Variants in ADGRL3 observed in about 807,000 individuals in gnomAD.
The protein encoded by ADGRL3 is calcium-independent alpha-latrotoxin receptor 3.
Under a neutral mutation model 153.5 loss-of-function variants are expected in ADGRL3, and 62 were observed. The ratio of observed to expected loss-of-function variants is 0.40; its 90% confidence interval spans 0.33 to 0.50. The LOEUF (loss-of-function observed/expected upper bound fraction) is 0.50. Ranked by LOEUF, ADGRL3 falls within the 20% of genes least tolerant of loss-of-function variation. ADGRL3 has a pLI of 0.47. For synonymous variants in ADGRL3, 710 were observed against 672.5 expected (o/e 1.06, Z -0.86); for missense variants, 1,641 against 1,859.4 (o/e 0.88, Z 2.16).
chr4:61,238,875 A>AT (rs977743720), intron 1 of ADGRL3, among the ~76,000 whole-genome samples: 1 of 152,192 alleles, frequency 6.6e-6, no homozygotes, highest in African/African-American at 2.4e-5. Context: ...ATTAAAAAAA[A>AT]CTTATTTTAG....
chr4:61,536,800 G>T (rs994839551), intron 4 of ADGRL3, among the ~76,000 whole-genome samples: 1 of 151,980 alleles, frequency 6.6e-6, no homozygotes, highest in Non-Finnish European at 1.5e-5. Flanking sequence ...TAGGTCTCTT[G>T]TAGACAACAG....
In ADGRL3 at chr4:62,031,460, A is replaced by C; in HGVS notation, c.3441A>C (p.Ala1147=). ...TCTACAGGTCATGGGTTATAGGTGC[A>C]ATAGCTCTTCTCTGCCTATTAGGAT... ...RPFIKSWVIG[A]IALLCLLGLT... Residue 1147 remains alanine (A), a synonymous_variant, in exon 23 of 27, where the codon GCA becomes GCC. Transcript: ENST00000683033. 1 of 1,609,902 alleles carries C rather than the reference A, an allele frequency of 6.2e-7. No individual in the cohort carries two copies. Among genetic ancestry groups the C allele is most frequent in the Non-Finnish European group, 8.5e-7 (1 of 1,177,234 alleles).
At chr4:61,890,764 A>T (rs1182638126) in intron 9 of ADGRL3, among the ~76,000 whole-genome samples, 1 of 152,216 alleles carries the variant, frequency 6.6e-6, no homozygotes. Context: ...CCCACGTAGT[A>T]TGATGTCAAA....
chr4:61,968,001 G>A (rs978382745), intron 17 of ADGRL3, among the ~76,000 whole-genome samples: 1 of 152,172 alleles, frequency 6.6e-6, no homozygotes, highest in Admixed American at 6.5e-5. Context: ...AAGAGAGGAA[G>A]AGAAGGCCGA....
chr4:61,401,528 G>A (rs569242081), intron 2 of ADGRL3, among the ~76,000 whole-genome samples: 1 of 152,036 alleles, frequency 6.6e-6, no homozygotes, highest in African/African-American at 2.4e-5. Flanking sequence ...ATAAAAGCCT[G>A]CTCAAATATA....
Position 61,584,210 on chromosome 4 carries a change from G to A in ADGRL3, c.260-3017G>A, listed in dbSNP as rs550651053. 1.3e-4 allele frequency among the ~76,000 whole-genome samples: 20 copies of A among 151,884 alleles called. No homozygotes were observed. The South Asian group carries it at 2.1e-3, about 16-fold the overall frequency. On this transcript the variant is annotated intron_variant, in intron 4 of 26. Transcript: ENST00000683033. The stretch of plus-strand genomic sequence containing the variant: ...CATACATTCCCATTAACAAATTCCC[G>A]TAAACAAAGTATCCATCATTTATGG...
intron 6 of ADGRL3, among the ~76,000 whole-genome samples, chr4:61,702,251 T>G (rs556861156): frequency 3.3e-5 from 5 of 152,196 alleles, no homozygotes. Flanking sequence ...TTAATGATAT[T>G]GCTCTCAAAA....
intron 1 of ADGRL3, among the ~76,000 whole-genome samples, chr4:61,357,005 G>A (rs980109289): frequency 6.6e-6 from 1 of 151,374 alleles, no homozygotes; most frequent in African/African-American, 2.4e-5. Flanking sequence ...GTAAAATATT[G>A]GTCAAATTGT....
intron 21 of ADGRL3, among the ~76,000 whole-genome samples, chr4:62,002,562 AT>A (rs1194224408): frequency 1.3e-5 from 2 of 151,982 alleles, no homozygotes; most frequent in East Asian, 3.9e-4. Flanking sequence ...TCTAGAAAAA[AT>A]AATAAAAAAT....
intron 8 of ADGRL3, among the ~76,000 whole-genome samples, chr4:61,761,353 C>G (rs562685301): frequency 3.3e-5 from 5 of 152,196 alleles, no homozygotes; most frequent in Non-Finnish European, 5.9e-5. Flanking sequence ...CAGCCTATGC[C>G]CAGGAAGGAA....
chr4:61,292,974 A>G, intron 1 of ADGRL3, among the ~76,000 whole-genome samples: 1 of 152,106 alleles, frequency 6.6e-6, no homozygotes, highest in East Asian at 1.9e-4. Context: ...AAGGAACATA[A>G]AAAGGGATTT....
rs80097901 is a variant in ADGRL3 at position 61,662,053 on chromosome 4, A to C, written c.474-14773A>C. Among the ~76,000 whole-genome samples the C allele has an allele frequency of 2.9e-3, 444 of 152,350 alleles. 4 individuals carry two copies. The highest frequency in any genetic ancestry group is 0.01 in the African/African-American group (422 of 41,598). On this transcript the variant is annotated intron_variant, in intron 5 of 26. Coordinates refer to ENST00000683033, the MANE Select transcript of ADGRL3 (RefSeq NM_001387552.1). Reference sequence around the variant, plus strand: ...CCAATCTGGAGTGGCCACTGCCATAATGCCAGCTACAGTCGGGGAGGCAAG... The same window carrying C: ...CCAATCTGGAGTGGCCACTGCCATACTGCCAGCTACAGTCGGGGAGGCAAG...
intron 5 of ADGRL3, among the ~76,000 whole-genome samples, chr4:61,617,204 T>C (rs1428394866): frequency 6.6e-6 from 1 of 152,176 alleles, no homozygotes; most frequent in Non-Finnish European, 1.5e-5. Context: ...ATTTTCCCCA[T>C]ATTTTAAATG....
At chr4:61,464,710 G>C (rs1002140659) in intron 2 of ADGRL3, among the ~76,000 whole-genome samples, 1 of 152,140 alleles carries the variant, frequency 6.6e-6, no homozygotes, top group African/African-American at 2.4e-5. Flanking sequence ...TGATATGGAA[G>C]ATATTCTTCA....
At chr4:61,270,285 T>C (rs2093092030) in intron 1 of ADGRL3, among the ~76,000 whole-genome samples, 1 of 151,716 alleles carries the variant, frequency 6.6e-6, no homozygotes, top group Admixed American at 6.6e-5. Context: ...GGACCATGTT[T>C]TCTAGGTTTT....
intron 1 of ADGRL3, among the ~76,000 whole-genome samples, chr4:61,357,710 T>C (rs1205527679): frequency 1.3e-5 from 2 of 152,114 alleles, no homozygotes; most frequent in African/African-American, 2.4e-5. Flanking sequence ...TATATGTAAA[T>C]TTTTTTGACA....
intron 8 of ADGRL3, among the ~76,000 whole-genome samples, chr4:61,748,860 G>A (rs1331874390): frequency 2.0e-5 from 3 of 151,500 alleles, no homozygotes; most frequent in Non-Finnish European, 4.4e-5. Context: ...ATTGACAAAT[G>A]GGATCTAATT....
intron 2 of ADGRL3, among the ~76,000 whole-genome samples, chr4:61,459,094 T>C (rs571279154): frequency 6.6e-6 from 1 of 151,504 alleles, no homozygotes; most frequent in African/African-American, 2.4e-5. Context: ...ATAGAGAGAA[T>C]TTTTTTAAAT....
intron 4 of ADGRL3, among the ~76,000 whole-genome samples, chr4:61,558,879 TA>T (rs2098781670): frequency 6.6e-6 from 1 of 152,086 alleles, no homozygotes; most frequent in Non-Finnish European, 1.5e-5. Flanking sequence ...ATCTGACATA[TA>T]AAAATCTCTT....
Sources: gnomAD v4.1 joint callset for allele counts (sites outside exome capture counted in the v4.1 genomes callset) on GRCh38, gnomAD v4.1.1 for gene constraint, MANE v1.5 for transcripts, NCBI Gene and HGNC (gene_info 2026-07-23, HGNC 2026-07-21) for gene names.